PCDHA7: variants seen among roughly 807,000 people sequenced by gnomAD.
The protein encoded by PCDHA7 is protocadherin alpha 7.
A neutral mutation model predicts 57.2 loss-of-function variants in PCDHA7; 37 were observed. The observed-to-expected ratio is 0.65, with a 90% CI of 0.50 to 0.85. The LOEUF (loss-of-function observed/expected upper bound fraction) is 0.85, where lower values mean the gene tolerates loss of function less well. Among genes scored for constraint, PCDHA7 ranks in the 40% least tolerant of loss-of-function variants. The pLI is 0.00. For missense variants in PCDHA7, 1,188 were observed against 1,241.8 expected (o/e 0.96, Z 0.65); for synonymous variants, 553 against 558.8 (o/e 0.99, Z 0.15).
At chr5:140,875,934 A>T (rs782270710) in intron 1 of PCDHA7, 1 of 1,614,178 alleles carries the variant, frequency 6.2e-7, no homozygotes, top group Admixed American at 1.7e-5. Context: ...ATTTTCCTCT[A>T]GAGGGCGCTT....
At chr5:140,876,671 C>A in intron 1 of PCDHA7, 1 of 1,614,212 alleles carries the variant, frequency 6.2e-7, no homozygotes, top group African/African-American at 1.3e-5. Flanking sequence ...CTGGTGTCCA[C>A]CTACAAGAAT....
At chr5:140,884,037 T>C (rs1260114488) in intron 1 of PCDHA7, 1 of 1,613,346 alleles carries the variant, frequency 6.2e-7, no homozygotes, top group Non-Finnish European at 8.5e-7. Flanking sequence ...GCAGGCCACG[T>C]GGTGGCGAAG....
chr5:140,922,176 CAA>C lies in PCDHA7; in HGVS notation c.2356-56765_2356-56764del, dbSNP rs3836750. ...CAAAAACAACAAAAAGTACAGCAGACAAAAAAAAAGTCTTATCTTTAATGAAA... is the reference window on the plus strand; with the variant it reads ...CAAAAACAACAAAAAGTACAGCAGACAAAAAAAGTCTTATCTTTAATGAAA... On this transcript the variant is annotated intron_variant, in intron 1 of 3. Coordinates refer to ENST00000525929, the MANE Select transcript of PCDHA7 (RefSeq NM_018910.3). 2.6e-3 allele frequency among the ~76,000 whole-genome samples: 394 copies of C among 150,816 alleles called. 1 individual carries two copies. The highest frequency in any genetic ancestry group is 9.1e-3 in the African/African-American group (376 of 41,132).
At chr5:140,960,557 G>A (rs2095556177) in intron 1 of PCDHA7, among the ~76,000 whole-genome samples, 1 of 152,104 alleles carries the variant, frequency 6.6e-6, no homozygotes. Context: ...TATAGACTGA[G>A]CTTAGGAAAA....
chr5:140,881,587 GAAAT>G (rs2058760366), intron 1 of PCDHA7, among the ~76,000 whole-genome samples: 1 of 152,186 alleles, frequency 6.6e-6, no homozygotes, highest in Non-Finnish European at 1.5e-5. Context: ...CACATTGAGG[GAAAT>G]TTATTAATAT....
At chr5:140,967,136 C>CTT (rs1401459371) in intron 1 of PCDHA7, 1 of 1,611,568 alleles carries the variant, frequency 6.2e-7, no homozygotes, top group African/African-American at 1.3e-5. Context: ...CTTGGAAGTG[C>CTT]TGGCGCACAA....
At chr5:140,924,903 AAAT>A (rs782701584) in intron 1 of PCDHA7, among the ~76,000 whole-genome samples, 3,132 of 54,516 alleles carry the variant, frequency 0.057, 46 homozygotes, top group African/African-American at 0.096. Context: ...TCAAAAAAAA[AAAT>A]AAAATAAAAT....
At chr5:140,980,237 A>C (rs1159780134) in intron 2 of PCDHA7, among the ~76,000 whole-genome samples, 1 of 152,238 alleles carries the variant, frequency 6.6e-6, no homozygotes, top group Non-Finnish European at 1.5e-5. Context: ...GTTGGTGGAG[A>C]CATGCAATGG....
chr5:140,858,571 C>A lies in PCDHA7; in HGVS notation c.2355+21833C>A, dbSNP rs377514565. On this transcript the variant is annotated intron_variant, in intron 1 of 3. Transcript: ENST00000525929. ...TATGCTTGAATATTTCTAGTGATAC[C>A]TTTGTAATATAATTTATTCCAGGAG... 1.0e-4 allele frequency: 142 copies of A among 1,362,202 alleles called. 6 individuals carry two copies. The highest frequency in any genetic ancestry group is 1.4e-4 in the Non-Finnish European group (135 of 988,482). The allele number at this position is 1,362,202 out of a possible 1,614,324, so 84.4% of individuals were successfully genotyped here. A position where few individuals can be genotyped will look rare whatever the true frequency, so the allele number is the denominator to read the frequency against.
At chr5:140,863,062 G>A (rs62384481) in intron 1 of PCDHA7, 2 of 565,590 alleles carry the variant, frequency 3.5e-6, no homozygotes, top group South Asian at 1.4e-5. Context: ...CCCGTTCCAC[G>A]TGGGGCTCTG....
Position 140,856,573 on chromosome 5 carries a change from G to A in PCDHA7, c.2355+19835G>A, listed in dbSNP as rs1168113677. 4.4e-6 allele frequency: 7 copies of A among 1,597,600 alleles called. No individual in the cohort carries two copies. The African/African-American group carries it at 5.4e-5, about 12-fold the overall frequency. ...TTACTTACAAACTCAGTCCAAATGA[G>A]TATTTTGTTCTTGATATTATAAACA... On this transcript the variant is annotated intron_variant, in intron 1 of 3. Transcript: ENST00000525929.
At chr5:140,928,321 A>G (rs1296238254) in intron 1 of PCDHA7, 1 of 1,614,162 alleles carries the variant, frequency 6.2e-7, no homozygotes, top group Non-Finnish European at 8.5e-7. Context: ...CCTGGGGAAG[A>G]ATGGCCTTGT....
chr5:140,877,201 G>T, intron 1 of PCDHA7: 1 of 1,613,830 alleles, frequency 6.2e-7, no homozygotes, highest in South Asian at 1.1e-5. Flanking sequence ...AGGAGGCGCA[G>T]TTAGCGAGTT....
At chr5:140,837,472 C>T (rs1775069737) in intron 1 of PCDHA7, among the ~76,000 whole-genome samples, 1 of 151,298 alleles carries the variant, frequency 6.6e-6, no homozygotes, top group South Asian at 2.1e-4. Flanking sequence ...CTCCTCAAAC[C>T]CCAAACCATT....
intron 3 of PCDHA7, among the ~76,000 whole-genome samples, chr5:141,000,361 GTCTCTCTCTCTCTC>G (rs148596731): frequency 5.7e-4 from 15 of 26,444 alleles, no homozygotes; most frequent in African/African-American, 2.0e-3. Context: ...GTCTCTCTCT[GTCTCTCTCTCTCTC>G]TCTCTCTCTC....
chr5:140,918,899 C>G (rs2078917474), intron 1 of PCDHA7, among the ~76,000 whole-genome samples: 1 of 152,206 alleles, frequency 6.6e-6, no homozygotes, highest in African/African-American at 2.4e-5. Context: ...AAATAAATCT[C>G]TCTTGTTTAT....
At chr5:140,939,285 T>A (rs2092357056) in intron 1 of PCDHA7, among the ~76,000 whole-genome samples, 1 of 152,108 alleles carries the variant, frequency 6.6e-6, no homozygotes, top group Admixed American at 6.5e-5. Flanking sequence ...GCCCTCGTGA[T>A]CTAATCATCT....
chr5:140,876,729 G>C lies in PCDHA7; in HGVS notation c.2355+39991G>C, dbSNP rs781841207. The C allele has an allele frequency of 3.1e-6, 5 of 1,614,102 alleles. No homozygotes were observed. The East Asian group carries it at 6.7e-5, about 22-fold the overall frequency. On this transcript the variant is annotated intron_variant, in intron 1 of 3. Transcript: ENST00000525929. ...GCGCCCTGGACCGCGAGAGCGTGTC[G>C]GCCTATGAGCTGGTGGTGACTGCGC...
rs1002466846 is a variant in PCDHA7, at chr5:140,853,169, G to A, written c.2355+16431G>A. The A allele has an allele frequency of 8.3e-6, 8 of 959,586 alleles. No individual in the cohort carries two copies. The African/African-American group carries it at 8.9e-5, about 11-fold the overall frequency. The allele number at this position is 959,586 out of a possible 1,614,324, so 59.4% of individuals were successfully genotyped here. On this transcript the variant is annotated intron_variant, in intron 1 of 3. Coordinates refer to ENST00000525929, the MANE Select transcript of PCDHA7 (RefSeq NM_018910.3). Reference sequence around the variant, plus strand: ...GCTGGGATTACAGGCGTGAGCCACCGCGCCTGGCCTAAAATGTGTTCTTTA... The same window carrying A: ...GCTGGGATTACAGGCGTGAGCCACCACGCCTGGCCTAAAATGTGTTCTTTA...
Sources: gnomAD v4.1 joint callset for allele counts (sites outside exome capture counted in the v4.1 genomes callset) on GRCh38, gnomAD v4.1.1 for gene constraint, MANE v1.5 for transcripts, NCBI Gene and HGNC (gene_info 2026-07-23, HGNC 2026-07-21) for gene names.